Variants in RBMS1 observed in about 807,000 individuals in gnomAD.
RBMS1 encodes the protein RNA binding motif single stranded interacting protein 1, also known as RNA-binding motif, single-stranded-interacting protein 1.
In RBMS1, 17 loss-of-function variants were observed where a neutral mutation model predicts 62.3. The observed-to-expected ratio is 0.27, with a 90% CI of 0.19 to 0.41. The LOEUF (loss-of-function observed/expected upper bound fraction) is 0.41, where lower values mean the gene tolerates loss of function less well. RBMS1 is among the 10% of genes least tolerant of loss of function. The pLI is 1.00. For missense variants in RBMS1, 334 were observed against 504.5 expected, an observed-to-expected ratio of 0.66 and a Z score of 3.24; for synonymous variants, 172 against 170.0, an observed-to-expected ratio of 1.01 and a Z score of -0.09.
intron 1 of RBMS1, among the ~76,000 whole-genome samples, chr2:160,456,703 C>G (rs1476297180): frequency 6.6e-6 from 1 of 152,178 alleles, no homozygotes; most frequent in African/African-American, 2.4e-5. Flanking sequence ...CTGAGCTGTT[C>G]CTATTTCTTA....
intron 1 of RBMS1, among the ~76,000 whole-genome samples, chr2:160,397,613 C>T (rs548003125): frequency 6.6e-6 from 1 of 152,222 alleles, no homozygotes; most frequent in South Asian, 2.1e-4. Context: ...TAAAGACACA[C>T]CCTCTTCATT....
At chr2:160,473,879 C>T (rs1685024059) in intron 1 of RBMS1, among the ~76,000 whole-genome samples, 1 of 152,090 alleles carries the variant, frequency 6.6e-6, no homozygotes, top group South Asian at 2.1e-4. Flanking sequence ...TAAATATTTT[C>T]AATACCTTTT....
intron 13 of RBMS1, 157 bp downstream of exon 13, chr2:160,275,473 A>T: frequency 7.8e-7 from 1 of 1,287,072 alleles, no homozygotes; most frequent in Non-Finnish European, 1.0e-6. Context: ...TCATAAAATC[A>T]CTGATTTTAA....
chr2:160,282,121 A>AT, intron 9 of RBMS1: 1 of 769,900 alleles, frequency 1.3e-6, no homozygotes, highest in African/African-American at 1.8e-5. Flanking sequence ...CCAGAGTCTA[A>AT]GTAATTTTAT....
chr2:160,300,602 C>T (rs776654709), intron 6 of RBMS1, 49 bp downstream of exon 6: 5 of 1,534,932 alleles, frequency 3.3e-6, no homozygotes, highest in Non-Finnish European at 4.4e-6. Flanking sequence ...TAAAGTTAAA[C>T]ATACATCATA....
intron 1 of RBMS1, among the ~76,000 whole-genome samples, chr2:160,476,688 G>A (rs1008238679): frequency 4.7e-5 from 7 of 150,044 alleles, no homozygotes; most frequent in African/African-American, 1.7e-4. Context: ...CCAAGTAGCT[G>A]GGACTACAGG....
chr2:160,317,689 A>T lies in RBMS1; in HGVS notation c.310+480T>A, dbSNP rs1440844997. Among the ~76,000 whole-genome samples, 3 of 152,324 alleles carry T rather than the reference A, an allele frequency of 2.0e-5. No individual in the cohort carries two copies. In the East Asian group the frequency reaches 5.8e-4, roughly 29 times the overall value. Reference sequence around the variant, plus strand: ...CCTGCTGCCAATATTGTCAACAGGCATTCAGCAGAGAACAATTGGGAGTAC... The same window carrying T: ...CCTGCTGCCAATATTGTCAACAGGCTTTCAGCAGAGAACAATTGGGAGTAC... On this transcript the variant is annotated intron_variant, in intron 3 of 13. Transcript: ENST00000348849.
chr2:160,359,891 C>T (rs1573928815), intron 2 of RBMS1, among the ~76,000 whole-genome samples: 1 of 152,090 alleles, frequency 6.6e-6, no homozygotes, highest in African/African-American at 2.4e-5. Flanking sequence ...TGAATATAAC[C>T]ATTTCAAGTT....
intron 6 of RBMS1, among the ~76,000 whole-genome samples, chr2:160,296,081 C>T (rs534382314): frequency 6.6e-5 from 10 of 152,326 alleles, no homozygotes; most frequent in Admixed American, 1.3e-4. Flanking sequence ...CACAGGTGCT[C>T]AATGCCGGAG....
intron 1 of RBMS1, among the ~76,000 whole-genome samples, chr2:160,383,451 AT>A (rs35868893): frequency 7.7e-6 from 1 of 129,890 alleles, no homozygotes; most frequent in African/African-American, 3.3e-5. Context: ...TTAGACATGA[AT>A]TGGGGGGGGG....
chr2:160,440,068 T>TGGAGAGGGGAGAGG (rs772190017), intron 1 of RBMS1, among the ~76,000 whole-genome samples: 24 of 38,882 alleles, frequency 6.2e-4, no homozygotes, highest in South Asian at 2.1e-3. Flanking sequence ...AGGGAGACCG[T>TGGAGAGGGGAGAGG]GGAGAGGGGA....
intron 1 of RBMS1, among the ~76,000 whole-genome samples, chr2:160,387,558 G>C (rs1423254782): frequency 2.6e-5 from 4 of 152,088 alleles, no homozygotes; most frequent in African/African-American, 7.2e-5. Context: ...ACAAGCCCTG[G>C]AACATTTTCT....
chr2:160,389,110 A>G (rs571967664), intron 1 of RBMS1, among the ~76,000 whole-genome samples: 23 of 152,224 alleles, frequency 1.5e-4, no homozygotes, highest in Non-Finnish European at 3.2e-4. Flanking sequence ...CATCCCTGAC[A>G]CAGAGCACTG....
At chr2:160,331,068 G>A (rs939141159) in intron 2 of RBMS1, among the ~76,000 whole-genome samples, 2 of 152,108 alleles carry the variant, frequency 1.3e-5, no homozygotes, top group African/African-American at 4.8e-5. Flanking sequence ...AAGAGGTAAC[G>A]AAGCATGTTC....
intron 1 of RBMS1, among the ~76,000 whole-genome samples, chr2:160,468,553 C>G (rs1376488120): frequency 6.6e-6 from 1 of 152,122 alleles, no homozygotes; most frequent in African/African-American, 2.4e-5. Context: ...AACATACAAT[C>G]TATTTTCTGA....
At chr2:160,304,082 A>G (rs1046155631) in intron 4 of RBMS1, among the ~76,000 whole-genome samples, 1 of 151,982 alleles carries the variant, frequency 6.6e-6, no homozygotes, top group Non-Finnish European at 1.5e-5. Flanking sequence ...AAAATTTTAG[A>G]CTCTTGGAAA....
At chr2:160,305,669 T>A (rs192472631) in intron 4 of RBMS1, among the ~76,000 whole-genome samples, 1 of 152,238 alleles carries the variant, frequency 6.6e-6, no homozygotes, top group African/African-American at 2.4e-5. Flanking sequence ...AGCTACATCT[T>A]GAAAAATAGG....
chr2:160,413,368 T>C (rs1696102217), intron 1 of RBMS1, among the ~76,000 whole-genome samples: 1 of 151,808 alleles, frequency 6.6e-6, no homozygotes, highest in South Asian at 2.1e-4. Flanking sequence ...AAATAGGGGG[T>C]CAGCAGATTC....
At chr2:160,309,018 CTCTT>C (rs764282843) in intron 4 of RBMS1, among the ~76,000 whole-genome samples, 39 of 152,310 alleles carry the variant, frequency 2.6e-4, no homozygotes, top group African/African-American at 4.8e-4. Flanking sequence ...TAAAATAGAA[CTCTT>C]TCTAATTCTG....
Sources: gnomAD v4.1 joint callset for allele counts (sites outside exome capture counted in the v4.1 genomes callset) on GRCh38, gnomAD v4.1.1 for gene constraint, MANE v1.5 for transcripts, NCBI Gene and HGNC (gene_info 2026-07-23, HGNC 2026-07-21) for gene names.